FBXL17: variants seen among roughly 807,000 people sequenced by gnomAD.
FBXL17 encodes F-box/LRR-repeat protein 17.
Under a neutral mutation model 66.2 loss-of-function variants are expected in FBXL17, and 22 were observed. That is an observed-to-expected ratio of 0.33 (90% confidence interval 0.24 to 0.47). The LOEUF (loss-of-function observed/expected upper bound fraction) is 0.47, where lower values mean the gene tolerates loss of function less well. Ranked by LOEUF, FBXL17 falls within the 20% of genes least tolerant of loss-of-function variation. The pLI is 1.00. For synonymous variants in FBXL17, 474 were observed against 400.5 expected, an observed-to-expected ratio of 1.18 and a Z score of -2.19; for missense variants, 878 against 948.2, an observed-to-expected ratio of 0.93 and a Z score of 0.97.
chr5:107,926,862 T>C (rs1750540173), intron 7 of FBXL17, among the ~76,000 whole-genome samples: 1 of 152,174 alleles, frequency 6.6e-6, no homozygotes, highest in African/African-American at 2.4e-5. Flanking sequence ...ATGATTTTGC[T>C]AGCCCATTCA....
chr5:108,270,590 A>C (rs189038907), intron 4 of FBXL17, among the ~76,000 whole-genome samples: 16 of 151,218 alleles, frequency 1.1e-4, no homozygotes, highest in African/African-American at 3.4e-4. Context: ...AAAGAAACAG[A>C]GCATCCATTA....
chr5:107,942,527 T>C (rs1052331867), intron 7 of FBXL17, among the ~76,000 whole-genome samples: 10 of 152,150 alleles, frequency 6.6e-5, no homozygotes, highest in Admixed American at 3.9e-4. Context: ...ATTTGCCCAT[T>C]ACATTAGCTT....
intron 4 of FBXL17, among the ~76,000 whole-genome samples, chr5:108,340,282 G>A (rs1003792926): frequency 3.3e-5 from 5 of 151,880 alleles, no homozygotes; most frequent in Admixed American, 2.6e-4. Flanking sequence ...CAGGCATGGT[G>A]GCTGATGCCT....
intron 7 of FBXL17, among the ~76,000 whole-genome samples, chr5:107,902,173 T>A (rs1749587569): frequency 1.3e-5 from 2 of 152,154 alleles, no homozygotes; most frequent in South Asian, 4.1e-4. Flanking sequence ...TTTTTTAGTT[T>A]TTCTGTGTAT....
At chr5:108,098,457 C>T (rs1749468816) in intron 6 of FBXL17, among the ~76,000 whole-genome samples, 1 of 152,074 alleles carries the variant, frequency 6.6e-6, no homozygotes, top group Non-Finnish European at 1.5e-5. Context: ...AAAAAAAATA[C>T]TTTTCATGCC....
In FBXL17 at chr5:108,381,633, C is replaced by G; in HGVS notation, c.59G>C (p.Cys20Ser). 1 of 1,494,912 alleles carries G rather than the reference C, an allele frequency of 6.7e-7. No individual in the cohort carries two copies. 92.6% of individuals were successfully genotyped at this position (1,494,912 alleles called of 1,614,324 possible). Residue 20 changes from cysteine to serine, a missense_variant, in exon 1 of 9, where the codon TGT becomes TCT. Physicochemically the swap from Cys to Ser is moderately radical, Grantham distance 112. This residue lies in a region of FBXL17 where 605 missense variants were observed against 509.5 expected (regional missense o/e 1.19). Coordinates refer to ENST00000542267, the MANE Select transcript of FBXL17 (RefSeq NM_001163315.3). Reference sequence around the variant, plus strand: ...GCGCCGGCGGCGGCACCAACTGCAACAGCGAGGCCTCTTCTGGCTCGGGCG... The same window carrying G: ...GCGCCGGCGGCGGCACCAACTGCAAGAGCGAGGCCTCTTCTGGCTCGGGCG... Reference protein sequence around the residue: ...RNRPSQKRPRCCSWCRRRRPL... With the variant: ...RNRPSQKRPRSCSWCRRRRPL...
chr5:108,301,792 A>G (rs1025562763), intron 4 of FBXL17, among the ~76,000 whole-genome samples: 2 of 151,724 alleles, frequency 1.3e-5, no homozygotes. Context: ...TTTAGAATCC[A>G]AAAAAGTTCA....
chr5:108,381,674 C>A lies in FBXL17; in HGVS notation c.18G>T (p.Ser6=). MGHLL[S]KEPRNRPSQK... is the part of the protein sequence containing the mutation. ...GGCTCGGGCGGTTACGCGGCTCCTT[C>A]GAGAGAAGGTGGCCCATATAGAAGG... Residue 6 remains serine, a synonymous_variant, in exon 1 of 9, where the codon TCG becomes TCT. Coordinates refer to ENST00000542267, the MANE Select transcript of FBXL17 (RefSeq NM_001163315.3). 1 of 1,474,082 alleles carries A rather than the reference C, an allele frequency of 6.8e-7. No individual in the cohort carries two copies. 91.3% of individuals were successfully genotyped at this position (1,474,082 alleles called of 1,614,324 possible).
chr5:108,175,845 A>C (rs577506973), intron 6 of FBXL17, among the ~76,000 whole-genome samples: 3 of 152,234 alleles, frequency 2.0e-5, no homozygotes, highest in African/African-American at 7.2e-5. Flanking sequence ...TTTTAGGCTG[A>C]AGCAAAATCC....
chr5:107,999,484 C>CA (rs1554055758), intron 7 of FBXL17, among the ~76,000 whole-genome samples: 50 of 137,724 alleles, frequency 3.6e-4, no homozygotes, highest in Middle Eastern at 3.6e-3. Context: ...CACACACACA[C>CA]CACACACACA....
intron 2 of FBXL17, among the ~76,000 whole-genome samples, chr5:108,367,035 A>G (rs938176103): frequency 6.6e-6 from 1 of 152,110 alleles, no homozygotes; most frequent in African/African-American, 2.4e-5. Flanking sequence ...ATTGGCAAAT[A>G]TTACAAATCA....
chr5:108,228,601 T>C (rs538049419), intron 4 of FBXL17, among the ~76,000 whole-genome samples: 1 of 152,306 alleles, frequency 6.6e-6, no homozygotes, highest in Admixed American at 6.5e-5. Context: ...CACATTGTAA[T>C]TGTTCAATAG....
intron 5 of FBXL17, among the ~76,000 whole-genome samples, chr5:108,219,930 T>C (rs1754785175): frequency 3.3e-5 from 2 of 59,880 alleles, no homozygotes. Context: ...ACTATTTCCT[T>C]TTTTTTTTTT....
rs573828799 is a variant in FBXL17 at position 107,918,341 on chromosome 5, C to T, written c.1823-37162G>A. Among the ~76,000 whole-genome samples the T allele has an allele frequency of 2.0e-5, 3 of 152,284 alleles. No individual in the cohort carries two copies. The South Asian group carries it at 6.2e-4, about 32-fold the overall frequency. ...ACCCAGTCAAGGGTAACTTTAAGGG[C>T]TGGCTGGGAACTGGCAAATCTAGGG... On this transcript the variant is annotated intron_variant, in intron 7 of 8. Transcript: ENST00000542267.
chr5:108,382,044 C>G lies in FBXL17; in HGVS notation c.-353G>C, dbSNP rs1045980727. 4.3e-6 allele frequency: 4 copies of G among 930,110 alleles called. No homozygotes were observed. Among genetic ancestry groups the G allele is most frequent in the Admixed American group, 1.1e-4 (2 of 18,730 alleles). The allele number at this position is 930,110 out of a possible 1,614,324, so 57.6% of individuals were successfully genotyped here. ...GGAGCGGCCGGGGAAAGGCCGGGTC[C>G]CGCTCGGACCATTTTAACTGCGGAT... On this transcript the variant is annotated 5_prime_UTR_variant, in exon 1 of 9. Transcript: ENST00000542267.
intron 7 of FBXL17, among the ~76,000 whole-genome samples, chr5:108,000,580 A>G (rs752637402): frequency 6.6e-6 from 1 of 152,230 alleles, no homozygotes; most frequent in Non-Finnish European, 1.5e-5. Flanking sequence ...ATGGAAAAAT[A>G]AATTTCATAA....
chr5:107,945,749 C>T (rs1751260514), intron 7 of FBXL17, among the ~76,000 whole-genome samples: 1 of 152,132 alleles, frequency 6.6e-6, no homozygotes. Flanking sequence ...CTACTAAAAT[C>T]AGAAGGCTGG....
intron 7 of FBXL17, among the ~76,000 whole-genome samples, chr5:107,906,092 T>C (rs1354466236): frequency 6.6e-6 from 1 of 151,864 alleles, no homozygotes; most frequent in Non-Finnish European, 1.5e-5. Flanking sequence ...TTAGCAAATC[T>C]GGTTAAATTC....
At chr5:107,890,357 TA>T (rs397961122) in intron 7 of FBXL17, among the ~76,000 whole-genome samples, 317 of 141,392 alleles carry the variant, frequency 2.2e-3, no homozygotes, top group Middle Eastern at 0.022. Flanking sequence ...GGTCTCAGAT[TA>T]AAAAAAAAAA....
Sources: gnomAD v4.1 joint callset for allele counts (sites outside exome capture counted in the v4.1 genomes callset) on GRCh38, gnomAD v4.1.1 for gene constraint, gnomAD v4.1.1 regional missense constraint, MANE v1.5 for transcripts, NCBI Gene and HGNC (gene_info 2026-07-23, HGNC 2026-07-21) for gene names.